The following WDPCP variants were observed in gnomAD, a reference collection of about 807,000 sequenced individuals.
The protein encoded by WDPCP is WD repeat-containing and planar cell polarity effector protein fritz homolog.
WDPCP carries 71 observed loss-of-function variants against 93.1 expected under a neutral mutation model. The observed-to-expected ratio is 0.76, with a 90% confidence interval of 0.63 to 0.93. WDPCP has a LOEUF of 0.93. Ranked by LOEUF, WDPCP falls within the 40% of genes least tolerant of loss-of-function variation. The probability of loss-of-function intolerance (pLI) is 0.00; values close to 1 mark genes in which losing one functional copy is unlikely to be tolerated. For synonymous variants in WDPCP, 315 were observed against 315.0 expected, an observed-to-expected ratio of 1.00 and a Z score of 0.00; for missense variants, 844 against 887.4, an observed-to-expected ratio of 0.95 and a Z score of 0.62.
chr2:63,357,351 A>T (rs1558512658), intron 12 of WDPCP, among the ~76,000 whole-genome samples: 1 of 152,224 alleles, frequency 6.6e-6, no homozygotes, highest in African/African-American at 2.4e-5. Context: ...AATAGGAGAA[A>T]ATATTTGCAA....
At chr2:63,426,140 A>G (rs1575397993) in intron 9 of WDPCP, among the ~76,000 whole-genome samples, 1 of 152,306 alleles carries the variant, frequency 6.6e-6, no homozygotes, top group South Asian at 2.1e-4. Flanking sequence ...GGAGTTCGAG[A>G]CCAGCCTGGC....
At chr2:63,403,422 T>C (rs1694303212) in intron 10 of WDPCP, among the ~76,000 whole-genome samples, 1 of 123,334 alleles carries the variant, frequency 8.1e-6, no homozygotes, top group East Asian at 2.2e-4. Context: ...CAAACCTACA[T>C]AAAAGTTAAA....
intron 1 of WDPCP, among the ~76,000 whole-genome samples, chr2:63,550,332 T>C (rs1705512468): frequency 6.6e-6 from 1 of 152,138 alleles, no homozygotes; most frequent in South Asian, 2.1e-4. Context: ...CCCTGCACTA[T>C]GGTTTCTATT....
chr2:63,204,064 C>G (rs932792732), intron 14 of WDPCP, among the ~76,000 whole-genome samples: 1 of 152,126 alleles, frequency 6.6e-6, no homozygotes, highest in Non-Finnish European at 1.5e-5. Context: ...TGAGTAGATA[C>G]CCAGCAGTGG....
At chr2:63,774,903 C>T (rs990752788) in intron 2 of WDPCP, among the ~76,000 whole-genome samples, 3 of 152,144 alleles carry the variant, frequency 2.0e-5, no homozygotes, top group African/African-American at 7.2e-5. Flanking sequence ...ACAAACTCAT[C>T]TGTCTAAAAT....
At chr2:63,756,587 C>T (rs1016298432) in intron 2 of WDPCP, among the ~76,000 whole-genome samples, 2 of 152,104 alleles carry the variant, frequency 1.3e-5, no homozygotes, top group African/African-American at 4.8e-5. Context: ...AATCTTGACT[C>T]TATCATTTAT....
At chr2:63,530,184 TTG>T (rs1222580008) in intron 1 of WDPCP, among the ~76,000 whole-genome samples, 1 of 152,206 alleles carries the variant, frequency 6.6e-6, no homozygotes, top group Non-Finnish European at 1.5e-5. Flanking sequence ...GTAGGGTTTT[TTG>T]TGTCTCTATC....
chr2:63,501,857 C>T (rs1292663552), intron 1 of WDPCP, among the ~76,000 whole-genome samples: 1 of 152,184 alleles, frequency 6.6e-6, no homozygotes, highest in African/African-American at 2.4e-5. Context: ...CTCAGGTAAT[C>T]CACTGGCCTC....
At position 63,736,981 on chromosome 2, in the gene WDPCP, T is replaced by C. The variant is rs970305626; in HGVS notation, n.308+76641A>G. 9.7e-4 allele frequency among the ~76,000 whole-genome samples: 148 copies of C among 152,124 alleles called. 2 individuals are homozygous for C. The highest frequency in any genetic ancestry group is 4.6e-4 in the Non-Finnish European group (31 of 68,020). On this transcript the variant is annotated intron_variant and non_coding_transcript_variant, in intron 2 of 4. Coordinates refer to the WDPCP transcript ENST00000467687. ...AGAAAAAAAAAACCATATATTACCTTATAGACTCAAACGACAGCACAAAAA... is the reference window on the plus strand; with the variant it reads ...AGAAAAAAAAAACCATATATTACCTCATAGACTCAAACGACAGCACAAAAA...
chr2:63,323,218 ACG>A, intron 12 of WDPCP, among the ~76,000 whole-genome samples: 1 of 152,152 alleles, frequency 6.6e-6, no homozygotes, highest in South Asian at 2.1e-4. Context: ...CTGGGTCCTA[ACG>A]CCTGCCAGAC....
At chr2:63,331,153 A>AT (rs919222671) in intron 12 of WDPCP, among the ~76,000 whole-genome samples, 9 of 152,098 alleles carry the variant, frequency 5.9e-5, no homozygotes, top group Non-Finnish European at 1.5e-5. Flanking sequence ...ATCATGCCTA[A>AT]TTTTTTTAAA....
intron 1 of WDPCP, among the ~76,000 whole-genome samples, chr2:63,584,257 C>T (rs1708695154): frequency 6.6e-6 from 1 of 152,174 alleles, no homozygotes; most frequent in South Asian, 2.1e-4. Context: ...CTCCTACTCT[C>T]CTCCCCAAGC....
At chr2:63,599,935 G>A (rs1049296737) in intron 3 of WDPCP, 1 of 152,218 alleles carries the variant, frequency 6.6e-6, no homozygotes, top group Non-Finnish European at 1.5e-5. Flanking sequence ...ACTGATCTGA[G>A]CTAGTTTCCT....
At chr2:63,437,891 T>C (rs1351341240) in intron 7 of WDPCP, 1 of 1,595,682 alleles carries the variant, frequency 6.3e-7, no homozygotes, top group Non-Finnish European at 8.5e-7. Flanking sequence ...CATTCCATTT[T>C]ATTTGTGCTA....
intron 12 of WDPCP, among the ~76,000 whole-genome samples, chr2:63,338,187 A>AAATT (rs1486300812): frequency 6.6e-6 from 1 of 152,054 alleles, no homozygotes; most frequent in Admixed American, 6.5e-5. Flanking sequence ...ATGGTGAGAG[A>AAATT]TGGGGTCTAC....
intron 12 of WDPCP, among the ~76,000 whole-genome samples, chr2:63,344,667 C>A (rs917596840): frequency 6.6e-6 from 1 of 152,162 alleles, no homozygotes; most frequent in African/African-American, 2.4e-5. Context: ...TAGGTATTTT[C>A]TCAGACATAT....
chr2:63,518,684 G>C (rs1702717715), intron 1 of WDPCP: 1 of 152,378 alleles, frequency 6.6e-6, no homozygotes, highest in African/African-American at 2.4e-5. Context: ...GGACAATCTT[G>C]CCCATGAGAC....
intron 12 of WDPCP, among the ~76,000 whole-genome samples, chr2:63,339,057 A>T (rs945293941): frequency 5.3e-5 from 8 of 152,116 alleles, no homozygotes; most frequent in African/African-American, 1.9e-4. Flanking sequence ...TTCTTTCATC[A>T]GAGTTTTACA....
intron 17 of WDPCP, among the ~76,000 whole-genome samples, chr2:63,139,637 C>T (rs771575180): frequency 5.3e-5 from 8 of 152,172 alleles, no homozygotes; most frequent in Non-Finnish European, 8.8e-5. Flanking sequence ...ATTGTCCATT[C>T]ATGTCCTTAG....
Sources: allele counts gnomAD v4.1 joint callset (sites outside exome capture counted in the v4.1 genomes callset), GRCh38; gene constraint gnomAD v4.1.1; transcripts MANE v1.5; gene names NCBI Gene and HGNC (gene_info 2026-07-23, HGNC 2026-07-21).